Variants in ACACA observed in about 807,000 individuals in gnomAD.
ACACA encodes acetyl-CoA carboxylase alpha, also known as acetyl-CoA carboxylase 1.
In ACACA, 103 loss-of-function variants were observed where a neutral mutation model predicts 296.1. That is an observed-to-expected ratio of 0.35 (90% confidence interval 0.30 to 0.41). ACACA has a LOEUF of 0.41. Ranked by LOEUF, ACACA falls within the 10% of genes least tolerant of loss-of-function variation. The pLI, the probability that ACACA is intolerant of heterozygous loss-of-function variation, is 1.00. For missense variants in ACACA, 1,554 were observed against 2,989.7 expected, an observed-to-expected ratio of 0.52 and a Z score of 11.20; for synonymous variants, 953 against 1,038.6, an observed-to-expected ratio of 0.92 and a Z score of 1.58.
chr17:37,248,577 A>G lies in ACACA; in HGVS notation c.2163+16T>C, dbSNP rs144109422. The G allele has an allele frequency of 1.6e-4, 246 of 1,570,646 alleles. 2 individuals are homozygous for G. In the East Asian group the frequency reaches 4.4e-3, roughly 28 times the overall value. ...CTAAAAAAGTAAGGTGCAAGCTCCA[A>G]TGGGGTTCTGCATACCTTAAGTACA... On this transcript the variant is annotated intron_variant, in intron 17 of 55. Coordinates refer to ENST00000616317, the MANE Select transcript of ACACA (RefSeq NM_198834.3).
At chr17:37,294,300 A>C (rs1212370965) in intron 3 of ACACA, among the ~76,000 whole-genome samples, 1 of 152,218 alleles carries the variant, frequency 6.6e-6, no homozygotes, top group African/African-American at 2.4e-5. Context: ...TTTACTAATA[A>C]TTTTAAAGCC....
chr17:37,351,554 T>C (rs1247345942), intron 1 of ACACA, among the ~76,000 whole-genome samples: 1 of 152,210 alleles, frequency 6.6e-6, no homozygotes. Flanking sequence ...TAAAAAGCTT[T>C]CCTCAATTAA....
At chr17:37,221,250 A>C (rs2079274412) in intron 29 of ACACA, among the ~76,000 whole-genome samples, 1 of 152,188 alleles carries the variant, frequency 6.6e-6, no homozygotes, top group Admixed American at 6.5e-5. Context: ...AAACTGATTG[A>C]ATTTCAACTG....
intron 8 of ACACA, 41 bp downstream of exon 8, chr17:37,275,910 T>C: frequency 6.6e-7 from 1 of 1,517,952 alleles, no homozygotes; most frequent in Middle Eastern, 1.7e-4. Context: ...CCTACTGAGC[T>C]ATTCTGTACT....
chr17:37,136,169 A>G (rs563864346), intron 45 of ACACA, among the ~76,000 whole-genome samples: 1 of 152,222 alleles, frequency 6.6e-6, no homozygotes, highest in African/African-American at 2.4e-5. Context: ...AACCACCACA[A>G]CAATCAAGAT....
Position 37,264,009 on chromosome 17 carries a change from G to C in ACACA, c.1120-115C>G. 5 of 800,538 alleles carry C rather than the reference G, an allele frequency of 6.2e-6. No individual in the cohort carries two copies. In the East Asian group the frequency reaches 7.9e-5, roughly 13 times the overall value. 49.6% of individuals were successfully genotyped at this position (800,538 alleles called of 1,614,324 possible). ...GATGTCCAGAAGTGTCAGGAACCAT[G>C]TTAATCAGCAGAAATACAAAACTGA... On this transcript the variant is annotated intron_variant, in intron 10 of 55. Transcript: ENST00000616317.
chr17:37,110,232 C>T (rs1293901293), intron 52 of ACACA, among the ~76,000 whole-genome samples: 1 of 152,238 alleles, frequency 6.6e-6, no homozygotes, highest in Non-Finnish European at 1.5e-5. Context: ...TATGAGCCAT[C>T]TAAGTGAGAT....
intron 2 of ACACA, among the ~76,000 whole-genome samples, chr17:37,337,757 A>G (rs2048192755): frequency 6.6e-6 from 1 of 150,844 alleles, no homozygotes; most frequent in African/African-American, 2.4e-5. Flanking sequence ...CCAGCCTAAC[A>G]TTTTCTGAAA....
intron 47 of ACACA, among the ~76,000 whole-genome samples, chr17:37,126,837 C>A (rs977019865): frequency 6.6e-6 from 1 of 152,212 alleles, no homozygotes; most frequent in African/African-American, 2.4e-5. Context: ...GAGCCCAAAG[C>A]CGATCGTTTA....
chr17:37,230,012 G>C (rs2079773755), intron 25 of ACACA, among the ~76,000 whole-genome samples: 1 of 152,032 alleles, frequency 6.6e-6, no homozygotes, highest in South Asian at 2.1e-4. Flanking sequence ...AGTGAGCTGA[G>C]ATTGCGTCAT....
chr17:37,253,597 T>A (rs2081094585), intron 14 of ACACA, among the ~76,000 whole-genome samples: 1 of 151,990 alleles, frequency 6.6e-6, no homozygotes, highest in Non-Finnish European at 1.5e-5. Flanking sequence ...CATCAGCAAA[T>A]CAGAAACATT....
chr17:37,281,159 C>G (rs2082512179), intron 5 of ACACA, among the ~76,000 whole-genome samples: 1 of 150,878 alleles, frequency 6.6e-6, no homozygotes, highest in East Asian at 2.0e-4. Context: ...CTCCTGGGTT[C>G]ATGCGATTCT....
chr17:37,173,979 AATTTATATATATATATATATATAT>A (rs2076972892), intron 41 of ACACA, among the ~76,000 whole-genome samples: 5 of 41,854 alleles, frequency 1.2e-4, no homozygotes, highest in African/African-American at 3.9e-4. Context: ...ACGCCTGGCT[AATTTATATATATATATATATATAT>A]ATATATATAT....
In ACACA at chr17:37,330,271, C is replaced by T. The variant is rs200537804; in HGVS notation, c.240G>A (p.Glu80=). The T allele has an allele frequency of 6.2e-7, 1 of 1,614,206 alleles. No individual in the cohort carries two copies. The highest frequency in any genetic ancestry group is 1.3e-5 in the African/African-American group (1 of 75,056). Reference sequence around the variant, plus strand: ...CAGGTGACAAGGAGCCCTCCTTCTCCTCCAGTAGGTCCAACTTCACCAGGT... The same window carrying T: ...CAGGTGACAAGGAGCCCTCCTTCTCTTCCAGTAGGTCCAACTTCACCAGGT... ...ISNLVKLDLL[E]EKEGSLSPAS... The change falls in exon 3 of 56, where the codon GAG becomes GAA. Residue 80 remains glutamate, a synonymous_variant. Transcript: ENST00000616317.
intron 1 of ACACA, among the ~76,000 whole-genome samples, chr17:37,376,794 A>C (rs1410240614): frequency 6.6e-6 from 1 of 152,150 alleles, no homozygotes; most frequent in South Asian, 2.1e-4. Context: ...ATCTCTACTA[A>C]AAGTGCAAAA....
Position 37,259,567 on chromosome 17 carries a change from C to A in ACACA, c.1330-37G>T. 3 of 1,611,376 alleles carry A rather than the reference C, an allele frequency of 1.9e-6. No individual in the cohort carries two copies. The South Asian group carries it at 3.3e-5, about 18-fold the overall frequency. Reference sequence around the variant, plus strand: ...GAGATAAGCAAACATAAGTATCTCACCTTATCCAACTGCTAGACCACTACA... The same window carrying A: ...GAGATAAGCAAACATAAGTATCTCAACTTATCCAACTGCTAGACCACTACA... On this transcript the variant is annotated intron_variant, in intron 11 of 55. Coordinates refer to ENST00000616317, the MANE Select transcript of ACACA (RefSeq NM_198834.3).
At chr17:37,192,749 A>G (rs915867770) in intron 36 of ACACA, among the ~76,000 whole-genome samples, 1 of 152,206 alleles carries the variant, frequency 6.6e-6, no homozygotes, top group African/African-American at 2.4e-5. Flanking sequence ...AAAGGACATA[A>G]TAAATACTCA....
chr17:37,115,189 AC>A (rs1206737733), intron 50 of ACACA, among the ~76,000 whole-genome samples: 28,565 of 152,244 alleles, frequency 0.19, 3,259 homozygotes, highest in East Asian at 0.45. Flanking sequence ...ACTGCTAATT[AC>A]ACAACTGCTG....
intron 1 of ACACA, chr17:37,376,233 G>T: frequency 8.8e-7 from 1 of 1,133,860 alleles, no homozygotes; most frequent in South Asian, 1.3e-5. Flanking sequence ...ACCAGATAGA[G>T]ATGTAGCTGA....
Sources: allele counts gnomAD v4.1 joint callset (sites outside exome capture counted in the v4.1 genomes callset), GRCh38; gene constraint gnomAD v4.1.1; transcripts MANE v1.5; gene names NCBI Gene and HGNC (gene_info 2026-07-23, HGNC 2026-07-21).